EEPD1: variants seen among roughly 807,000 people sequenced by gnomAD.
EEPD1 encodes endonuclease/exonuclease/phosphatase family domain containing 1.
In EEPD1, 17 loss-of-function variants were observed where a neutral mutation model predicts 46.3. The ratio of observed to expected loss-of-function variants is 0.37; its 90% CI spans 0.25 to 0.55. The LOEUF (loss-of-function observed/expected upper bound fraction) is 0.55, where lower values mean the gene tolerates loss of function less well. EEPD1 is among the 20% of genes least tolerant of loss of function. The probability of loss-of-function intolerance (pLI) is 0.83; values close to 1 mark genes in which losing one functional copy is unlikely to be tolerated. For missense variants in EEPD1, 673 were observed against 745.6 expected, an observed-to-expected ratio of 0.90 and a Z score of 1.13; for synonymous variants, 313 against 315.6, an observed-to-expected ratio of 0.99 and a Z score of 0.09.
intron 3 of EEPD1, among the ~76,000 whole-genome samples, chr7:36,259,741 C>A (rs569860361): frequency 6.6e-6 from 1 of 152,246 alleles, no homozygotes; most frequent in South Asian, 2.1e-4. Context: ...GTCTCAAACT[C>A]CTAGAATCAA....
chr7:36,195,867 T>C (rs1785572414), intron 2 of EEPD1, among the ~76,000 whole-genome samples: 1 of 152,238 alleles, frequency 6.6e-6, no homozygotes, highest in Non-Finnish European at 1.5e-5. Context: ...CATAAATATA[T>C]GTAGTCATGC....
chr7:36,211,939 A>T (rs1456702325), intron 2 of EEPD1, among the ~76,000 whole-genome samples: 1 of 152,182 alleles, frequency 6.6e-6, no homozygotes, highest in Non-Finnish European at 1.5e-5. Context: ...AAAAAAAAAA[A>T]AATTAACTTT....
At chr7:36,181,358 C>T (rs919685168) in intron 2 of EEPD1, among the ~76,000 whole-genome samples, 1 of 152,202 alleles carries the variant, frequency 6.6e-6, no homozygotes, top group Non-Finnish European at 1.5e-5. Flanking sequence ...TGACTCCCTT[C>T]TGGTGTCCTG....
intron 2 of EEPD1, among the ~76,000 whole-genome samples, chr7:36,215,295 G>T (rs1786010515): frequency 6.6e-6 from 1 of 152,216 alleles, no homozygotes; most frequent in African/African-American, 2.4e-5. Context: ...GCCCCTAAAT[G>T]CACCCTCCTG....
chr7:36,266,431 C>CTAATAGGTCGCTAG, intron 3 of EEPD1, among the ~76,000 whole-genome samples: 1 of 152,226 alleles, frequency 6.6e-6, no homozygotes, highest in South Asian at 2.1e-4. Flanking sequence ...TCTCCCCTGA[C>CTAATAGGTCGCTAG]CAAGAGCTCC....
chr7:36,293,963 CAA>C (rs897525569), intron 6 of EEPD1, among the ~76,000 whole-genome samples: 2 of 131,356 alleles, frequency 1.5e-5, no homozygotes, highest in African/African-American at 2.8e-5. Context: ...GACTCCATCT[CAA>C]AAAAAAAAAA....
At chr7:36,252,137 T>C (rs759569854) in intron 3 of EEPD1, among the ~76,000 whole-genome samples, 3 of 152,168 alleles carry the variant, frequency 2.0e-5, no homozygotes, top group African/African-American at 4.8e-5. Context: ...TGATTCTGGA[T>C]TTATAGAAAA....
At chr7:36,235,407 G>T (rs1236841079) in intron 2 of EEPD1, among the ~76,000 whole-genome samples, 1 of 152,230 alleles carries the variant, frequency 6.6e-6, no homozygotes, top group Non-Finnish European at 1.5e-5. Context: ...AGTCATCTCT[G>T]CCCTTGGAGC....
intron 3 of EEPD1, among the ~76,000 whole-genome samples, chr7:36,246,078 G>A (rs1786635889): frequency 6.6e-6 from 1 of 152,202 alleles, no homozygotes; most frequent in Non-Finnish European, 1.5e-5. Flanking sequence ...ACAATAGTTT[G>A]GCCGGTCATT....
chr7:36,288,804 G>C (rs560873597), intron 6 of EEPD1, among the ~76,000 whole-genome samples: 1 of 151,608 alleles, frequency 6.6e-6, no homozygotes, highest in Admixed American at 6.6e-5. Flanking sequence ...GGACAAAGGG[G>C]GGCTATGCCC....
At chr7:36,248,686 A>G (rs186540006) in intron 3 of EEPD1, among the ~76,000 whole-genome samples, 110 of 152,036 alleles carry the variant, frequency 7.2e-4, no homozygotes, top group African/African-American at 2.5e-3. Flanking sequence ...ATATTTGTAT[A>G]AATTTGCATT....
chr7:36,204,641 G>A (rs1471200806), intron 2 of EEPD1, among the ~76,000 whole-genome samples: 1 of 152,168 alleles, frequency 6.6e-6, no homozygotes, highest in Non-Finnish European at 1.5e-5. Flanking sequence ...GATCCCAGCA[G>A]AGTGAAGCCT....
At chr7:36,257,192 T>G (rs1225590829) in intron 3 of EEPD1, among the ~76,000 whole-genome samples, 1 of 152,202 alleles carries the variant, frequency 6.6e-6, no homozygotes, top group African/African-American at 2.4e-5. Flanking sequence ...AGGGATCAGC[T>G]GTTAGTCTGA....
chr7:36,205,236 G>A (rs7794220), intron 2 of EEPD1, among the ~76,000 whole-genome samples: 133 of 152,326 alleles, frequency 8.7e-4, no homozygotes, highest in African/African-American at 3.1e-3. Flanking sequence ...AGGAGGTTCT[G>A]GAGGTGGCAG....
intron 2 of EEPD1, among the ~76,000 whole-genome samples, chr7:36,167,157 A>G (rs1480566686): frequency 1.3e-5 from 2 of 152,118 alleles, no homozygotes; most frequent in East Asian, 3.8e-4. Context: ...TTTTACCTTA[A>G]TCAACTCTTT....
rs572431008 is a variant in EEPD1 at position 36,267,854 on chromosome 7, G to T, written c.931-13261G>T. ...CCTTGGGAGGTAATTGGGTCATGAG[G>T]GGTACAGCCCTCATCAATGAGATTA... On this transcript the variant is annotated intron_variant, in intron 3 of 7. Transcript: ENST00000242108. Among the ~76,000 whole-genome samples the T allele has an allele frequency of 4.6e-5, 7 of 152,202 alleles. No individual in the cohort carries two copies. In the South Asian group the frequency reaches 8.3e-4, roughly 18 times the overall value.
At position 36,300,223 on chromosome 7, in the gene EEPD1, A is replaced by C. The variant is rs560121393; in HGVS notation, c.*1017A>C. On this transcript the variant is annotated 3_prime_UTR_variant, in exon 8 of 8. Transcript: ENST00000242108. ...TCCCTCCTAGTGGCTGGAGGTAGGG[A>C]CAGTTGGTTGTGGGGCTGGAGAGAG... The C allele has an allele frequency of 2.6e-5, 4 of 152,294 alleles. No homozygotes were observed. The East Asian group carries it at 7.7e-4, about 29-fold the overall frequency. 9.4% of individuals were successfully genotyped at this position (152,294 alleles called of 1,614,324 possible).
chr7:36,163,519 A>G (rs1420187), intron 2 of EEPD1, among the ~76,000 whole-genome samples: 100,595 of 151,980 alleles, frequency 0.66, 33,600 homozygotes, highest in Middle Eastern at 0.74. Context: ...TACTGCTTTC[A>G]GAGGGTGGAA....
chr7:36,200,439 A>G (rs1381427803), intron 2 of EEPD1, among the ~76,000 whole-genome samples: 5 of 152,338 alleles, frequency 3.3e-5, no homozygotes, highest in Non-Finnish European at 5.9e-5. Flanking sequence ...ATTACCCTAT[A>G]AATCTTGAAT....
Sources: allele counts gnomAD v4.1 joint callset (sites outside exome capture counted in the v4.1 genomes callset), GRCh38; gene constraint gnomAD v4.1.1; transcripts MANE v1.5; gene names NCBI Gene and HGNC (gene_info 2026-07-23, HGNC 2026-07-21).